The following TMIE variants were observed in gnomAD, a reference collection of about 807,000 sequenced individuals.
TMIE encodes transmembrane inner ear.
A neutral mutation model predicts 16.8 loss-of-function variants in TMIE; 14 were observed. The ratio of observed to expected loss-of-function variants is 0.83; its 90% CI spans 0.55 to 1.30. TMIE has a LOEUF of 1.30. Among genes scored for constraint, TMIE ranks in the 50% most tolerant of loss-of-function variants. TMIE has a pLI of 0.00. For synonymous variants in TMIE, 75 were observed against 87.2 expected, an observed-to-expected ratio of 0.86 and a Z score of 0.78; for missense variants, 204 against 205.9, an observed-to-expected ratio of 0.99 and a Z score of 0.06.
intron 2 of TMIE, among the ~76,000 whole-genome samples, chr3:46,707,962 T>A (rs939213230): frequency 3.9e-5 from 6 of 152,206 alleles, no homozygotes; most frequent in African/African-American, 1.2e-4. Context: ...GCTTCTTGGA[T>A]AAGGCCTGCT....
At chr3:46,703,847 C>T (rs1042001723) in intron 1 of TMIE, among the ~76,000 whole-genome samples, 3 of 152,110 alleles carry the variant, frequency 2.0e-5, no homozygotes, top group African/African-American at 4.8e-5. Context: ...GCTGGATGGT[C>T]GAACTACAGG....
At chr3:46,704,971 T>C (rs1700532737) in intron 1 of TMIE, among the ~76,000 whole-genome samples, 1 of 152,136 alleles carries the variant, frequency 6.6e-6, no homozygotes. Context: ...GGAGAAGGGC[T>C]GTGTCCTCTC....
chr3:46,702,300 G>A (rs2106776613), intron 1 of TMIE, among the ~76,000 whole-genome samples: 1 of 152,270 alleles, frequency 6.6e-6, no homozygotes, highest in South Asian at 2.1e-4. Context: ...GGGTAAATTG[G>A]GAGCAGGCAC....
chr3:46,697,715 G>A (rs926821737), upstream of TMIE, among the ~76,000 whole-genome samples: 3 of 152,110 alleles, frequency 2.0e-5, no homozygotes, highest in African/African-American at 7.2e-5. Flanking sequence ...GGCTGGGTGG[G>A]CAGTCTTGGG....
chr3:46,702,437 C>T (rs1208946308), intron 1 of TMIE, among the ~76,000 whole-genome samples: 4 of 152,132 alleles, frequency 2.6e-5, no homozygotes, highest in African/African-American at 7.2e-5. Flanking sequence ...TTGTACCCCA[C>T]TCCTGCGGAG....
upstream of TMIE, among the ~76,000 whole-genome samples, chr3:46,698,487 A>G (rs56670151): frequency 0.17 from 26,187 of 151,892 alleles, 3,262 homozygotes; most frequent in African/African-American, 0.34. Flanking sequence ...GCGTCTTGCT[A>G]TGTTGCCCAG....
At chr3:46,705,521 G>A (rs1411118583) in intron 1 of TMIE, among the ~76,000 whole-genome samples, 2 of 152,202 alleles carry the variant, frequency 1.3e-5, no homozygotes, top group Admixed American at 6.5e-5. Context: ...ACCTGGCCAG[G>A]ACAAGCCATC....
chr3:46,709,583 T>TAAGAAGAAG lies in TMIE; in HGVS notation c.385_393dup (p.Lys129_Lys131dup), dbSNP rs10578999. Reference sequence around the variant, plus strand: ...TCTCTTCCCCCTGCCCCACAGAGGATAAGAAGAAGAAGAAGAAGAAGAAGA... The same window carrying TAAGAAGAAG: ...TCTCTTCCCCCTGCCCCACAGAGGATAAGAAGAAGAAGAAGAAGAAGAAGAAGAAGAAGA... On this transcript the variant is annotated inframe_insertion, in exon 4 of 4. Coordinates refer to ENST00000643606, the MANE Select transcript of TMIE (RefSeq NM_147196.3). 7.1e-6 allele frequency: 11 copies of TAAGAAGAAG among 1,552,538 alleles called. No homozygotes were observed. The highest frequency in any genetic ancestry group is 2.8e-5 in the African/African-American group (2 of 72,478).
Position 46,709,791 on chromosome 3 carries a change from G to A in TMIE, c.*103G>A. 6.3e-7 allele frequency: 1 copy of A among 1,582,388 alleles called. No individual in the cohort carries two copies. The highest frequency in any genetic ancestry group is 8.6e-7 in the Non-Finnish European group (1 of 1,165,634). On this transcript the variant is annotated 3_prime_UTR_variant, in exon 4 of 4. Transcript: ENST00000643606. ...CTCATTTGGGGACCACAGAGGCTGTGGTCAGAGAGGGAAGCTGAGGCCCAT... is the reference window on the plus strand; with the variant it reads ...CTCATTTGGGGACCACAGAGGCTGTAGTCAGAGAGGGAAGCTGAGGCCCAT...
At position 46,710,010 on chromosome 3, in the gene TMIE, A is replaced by G. The variant is rs1206607523; in HGVS notation, c.*322A>G. 2.3e-6 allele frequency: 1 copy of G among 426,956 alleles called. No homozygotes were observed. The highest frequency in any genetic ancestry group is 4.9e-5 in the East Asian group (1 of 20,366). The allele number at this position is 426,956 out of a possible 1,614,324, so 26.4% of individuals were successfully genotyped here. On this transcript the variant is annotated 3_prime_UTR_variant, in exon 4 of 4. Transcript: ENST00000643606. ...CTGCCTGTCTCCCACCCTTTCTGCC[A>G]GGGATGGCAGTGGCTGTGAAGGAGT...
chr3:46,708,966 T>C lies in TMIE; in HGVS notation c.212-160T>C, dbSNP rs77254897. On this transcript the variant is annotated intron_variant, in intron 2 of 3. Coordinates refer to ENST00000643606, the MANE Select transcript of TMIE (RefSeq NM_147196.3). ...CTTAGGAAAGCCACCTTGGTCATCATAGGGTCCACAGGGGTTTTGTCAAGA... is the reference window on the plus strand; with the variant it reads ...CTTAGGAAAGCCACCTTGGTCATCACAGGGTCCACAGGGGTTTTGTCAAGA... Among the ~76,000 whole-genome samples, 7,402 of 152,204 alleles carry C rather than the reference T, an allele frequency of 0.049. 307 individuals are homozygous for C. The highest frequency in any genetic ancestry group is 0.13 in the South Asian group (613 of 4,820).
At chr3:46,708,947 A>G (rs1200644207) in intron 2 of TMIE, among the ~76,000 whole-genome samples, 179 bp from the exon 3 acceptor site, 2 of 152,198 alleles carry the variant, frequency 1.3e-5, no homozygotes, top group African/African-American at 4.8e-5. Flanking sequence ...CCTGCTTAGG[A>G]AAGCCACCTT....
intron 1 of TMIE, among the ~76,000 whole-genome samples, chr3:46,702,375 A>G (rs572024475): frequency 1.3e-5 from 2 of 152,018 alleles, no homozygotes; most frequent in Admixed American, 1.3e-4. Context: ...CCTGGTGGAG[A>G]GCCTGGCTGG....
chr3:46,710,528 G>C lies in TMIE; in HGVS notation c.*840G>C, dbSNP rs1158273479. 6.6e-6 allele frequency: 1 copy of C among 152,386 alleles called. No individual in the cohort carries two copies. Among genetic ancestry groups the C allele is most frequent in the Non-Finnish European group, 1.5e-5 (1 of 68,168 alleles). 9.4% of individuals were successfully genotyped at this position (152,386 alleles called of 1,614,324 possible). The stretch of plus-strand genomic sequence containing the variant: ...AAGAAGCCAAGGGGGACCTCGGGCT[G>C]TTCTGGTGGCCCCTTCTATGCCCAG... On this transcript the variant is annotated 3_prime_UTR_variant, in exon 4 of 4. Transcript: ENST00000643606.
At chr3:46,708,644 C>G (rs1220177501) in intron 2 of TMIE, among the ~76,000 whole-genome samples, 2 of 152,230 alleles carry the variant, frequency 1.3e-5, no homozygotes, top group Non-Finnish European at 2.9e-5. Flanking sequence ...CCAGGGATGT[C>G]CTCAGGGAGG....
chr3:46,704,717 TGGACCATGTCCCCTAGACACCCAGGGCA>T (rs71098428), intron 1 of TMIE, among the ~76,000 whole-genome samples: 32,874 of 90,440 alleles, frequency 0.36, 10,787 homozygotes, highest in Middle Eastern at 0.46. Context: ...ACACCCAGGG[TGGACCATGTCCCCTAGACACCCAGGGCA>T]GGACCATGTC....
chr3:46,695,156 G>T (rs879392361), intron 1 of TMIE, among the ~76,000 whole-genome samples: 1 of 152,192 alleles, frequency 6.6e-6, no homozygotes, highest in Non-Finnish European at 1.5e-5. Context: ...GGGGCACTTG[G>T]CTCCCTGAGT....
At chr3:46,703,088 T>C (rs1700497793) in intron 1 of TMIE, among the ~76,000 whole-genome samples, 2 of 152,172 alleles carry the variant, frequency 1.3e-5, no homozygotes, top group African/African-American at 2.4e-5. Context: ...AGCAAGGCCT[T>C]AGCTCTTCCC....
At position 46,709,885 on chromosome 3, in the gene TMIE, A is replaced by C; in HGVS notation, c.*197A>C. 1 of 1,163,768 alleles carries C rather than the reference A, an allele frequency of 8.6e-7. No homozygotes were observed. The allele number at this position is 1,163,768 out of a possible 1,614,324, so 72.1% of individuals were successfully genotyped here. On this transcript the variant is annotated 3_prime_UTR_variant, in exon 4 of 4. Transcript: ENST00000643606. ...TCGTAGGTGTCCTGCCCCCCAGCCT[A>C]GGCTTGGCTCCTTTCACCCCATCCA...
Sources: gnomAD v4.1 joint callset for allele counts (sites outside exome capture counted in the v4.1 genomes callset) on GRCh38, gnomAD v4.1.1 for gene constraint, MANE v1.5 for transcripts, NCBI Gene and HGNC (gene_info 2026-07-23, HGNC 2026-07-21) for gene names.